MGST1: variants seen among roughly 807,000 people sequenced by gnomAD.
MGST1 encodes the protein microsomal glutathione S-transferase 1.
MGST1 carries 5 observed loss-of-function variants against 8.9 expected under a neutral mutation model. The ratio of observed to expected loss-of-function variants is 0.56; its 90% CI spans 0.29 to 1.19. The LOEUF is 1.19. Among genes scored for constraint, MGST1 ranks in the 50% most tolerant of loss-of-function variants. MGST1 has a pLI of 0.08. For missense variants in MGST1, 182 were observed against 187.4 expected (o/e 0.97, Z 0.17); for synonymous variants, 54 against 67.8 (o/e 0.80, Z 1.00).
At chr12:16,577,327 C>T (rs1448204481) in intron 4 of MGST1, among the ~76,000 whole-genome samples, 1 of 152,152 alleles carries the variant, frequency 6.6e-6, no homozygotes, top group African/African-American at 2.4e-5. Context: ...CTAGGACCAT[C>T]TCTTATCACA....
intron 1 of MGST1, chr12:16,402,357 G>T: frequency 6.2e-7 from 1 of 1,602,840 alleles, no homozygotes; most frequent in South Asian, 1.1e-5. Context: ...TCTCCTTTCT[G>T]CCAATTGCTG....
chr12:16,454,285 G>T (rs1941152162), intron 4 of MGST1, among the ~76,000 whole-genome samples: 1 of 151,892 alleles, frequency 6.6e-6, no homozygotes. Context: ...TGTTAAATAA[G>T]ATTTTAAGGT....
At chr12:16,388,153 AC>A (rs2137049446) in intron 1 of MGST1, among the ~76,000 whole-genome samples, 1 of 151,836 alleles carries the variant, frequency 6.6e-6, no homozygotes, top group East Asian at 2.0e-4. Flanking sequence ...AAAAGTGATG[AC>A]AAAAACTGCA....
rs1941814056 is a variant in MGST1, at chr12:16,544,822, A to T, written n.483-44706A>T. ...GAATTATGAAAGTTCCATTGATGTG[A>T]TAGGGAGGATGACTATTAAATTATC... is the stretch of plus-strand genomic sequence containing the variant. On this transcript the variant is annotated intron_variant and non_coding_transcript_variant, in intron 4 of 4. Transcript: ENST00000538857. The surrounding 1 kb of genome is among the most constrained non-coding windows in gnomAD (Gnocchi z 4.8). Among the ~76,000 whole-genome samples, 1 of 152,060 alleles carries T rather than the reference A, an allele frequency of 6.6e-6. No homozygotes were observed. Among genetic ancestry groups the T allele is most frequent in the Non-Finnish European group, 1.5e-5 (1 of 67,948 alleles).
chr12:16,559,300 T>C lies in MGST1; in HGVS notation n.483-30228T>C, dbSNP rs889118488. Among the ~76,000 whole-genome samples the C allele has an allele frequency of 6.6e-6, 1 of 152,204 alleles. No homozygotes were observed. The highest frequency in any genetic ancestry group is 2.4e-5 in the African/African-American group (1 of 41,452). ...TATCATATAAAACAGGTGCCAGTAG[T>C]ATATAGTTTTCACAGAAATAAAAAA... On this transcript the variant is annotated intron_variant and non_coding_transcript_variant, in intron 4 of 4. Transcript: ENST00000538857. This position sits in a 1 kb window ranked among gnomAD's most constrained non-coding sequence, Gnocchi z 4.1.
At chr12:16,376,524 G>A (rs1485760260) in exon 4 of MGST1, 3 of 157,344 alleles carry the variant, frequency 1.9e-5, no homozygotes, top group East Asian at 3.6e-4. Flanking sequence ...CATTTCTTCC[G>A]CAAAAGCTTC....
chr12:16,425,524 A>G (rs1263546840), intron 1 of MGST1, among the ~76,000 whole-genome samples: 1 of 152,140 alleles, frequency 6.6e-6, no homozygotes, highest in Non-Finnish European at 1.5e-5. Flanking sequence ...ACTCAAAGTG[A>G]TCTGCCTTCC....
At chr12:16,465,013 T>C (rs1391118762) in intron 4 of MGST1, among the ~76,000 whole-genome samples, 1 of 152,184 alleles carries the variant, frequency 6.6e-6, no homozygotes, top group Non-Finnish European at 1.5e-5. Flanking sequence ...CTAGAAATAC[T>C]GTACTCCTGT....
At chr12:16,511,834 A>T (rs1276838590) in intron 4 of MGST1, among the ~76,000 whole-genome samples, 1 of 152,126 alleles carries the variant, frequency 6.6e-6, no homozygotes, top group Non-Finnish European at 1.5e-5. Flanking sequence ...ACATTTGGAG[A>T]CAGTTCGGTG....
At chr12:16,403,748 G>A (rs1453431764) in intron 1 of MGST1, among the ~76,000 whole-genome samples, 4 of 152,080 alleles carry the variant, frequency 2.6e-5, no homozygotes, top group African/African-American at 9.7e-5. Flanking sequence ...GAAGGTGAAG[G>A]GGAAGCAAGG....
intron 4 of MGST1, among the ~76,000 whole-genome samples, chr12:16,581,784 G>A (rs943302088): frequency 6.6e-5 from 10 of 151,712 alleles, no homozygotes; most frequent in African/African-American, 1.9e-4. Flanking sequence ...GAACTCTAAA[G>A]CATATATATT....
At position 16,408,030 on chromosome 12, in the gene MGST1, C is replaced by CAAAAAAAAAAAAA. The variant is rs200073692; in HGVS notation, n.778+24442_778+24454dup. 1.5e-3 allele frequency among the ~76,000 whole-genome samples: 66 copies of CAAAAAAAAAAAAA among 44,086 alleles called. 4 individuals carry two copies. The highest frequency in any genetic ancestry group is 6.2e-3 in the East Asian group (13 of 2,086). The allele number at this position is 44,086 out of a possible 152,430, so 28.9% of individuals were successfully genotyped here. ...CTGGCAACAGAGCAAGACTCTGTCT[C>CAAAAAAAAAAAAA]AAAAAAAAAAAAAAAAAAAAAAAAA... is the stretch of plus-strand genomic sequence containing the variant. On this transcript the variant is annotated intron_variant and non_coding_transcript_variant, in intron 1 of 1. Transcript: ENST00000359720.
chr12:16,433,174 A>T (rs909526944), intron 1 of MGST1, among the ~76,000 whole-genome samples: 8 of 152,068 alleles, frequency 5.3e-5, no homozygotes, highest in African/African-American at 1.2e-4. Context: ...TGGGAGAAAG[A>T]TGCAGGCTGG....
At chr12:16,580,611 T>C (rs1368121151) in intron 4 of MGST1, among the ~76,000 whole-genome samples, 1 of 152,174 alleles carries the variant, frequency 6.6e-6, no homozygotes, top group Non-Finnish European at 1.5e-5. Flanking sequence ...TGGAAAAATG[T>C]AGATCATAGT....
At chr12:16,533,585 G>A (rs1193071710) in intron 4 of MGST1, among the ~76,000 whole-genome samples, 1 of 152,066 alleles carries the variant, frequency 6.6e-6, no homozygotes, top group Non-Finnish European at 1.5e-5. Context: ...GAGATTCCAG[G>A]ATTGTGTTAA....
intron 4 of MGST1, among the ~76,000 whole-genome samples, chr12:16,455,443 A>C (rs539880734): frequency 6.6e-6 from 1 of 151,802 alleles, no homozygotes; most frequent in East Asian, 1.9e-4. Context: ...AATTTAGTTC[A>C]CTTTTTTTTT....
At chr12:16,558,510 C>A (rs1447976843) in intron 4 of MGST1, among the ~76,000 whole-genome samples, 1 of 152,056 alleles carries the variant, frequency 6.6e-6, no homozygotes, top group Non-Finnish European at 1.5e-5. Flanking sequence ...ATAAAGGTGT[C>A]TGTATGGATG....
At chr12:16,581,187 G>C (rs1031767043) in intron 4 of MGST1, among the ~76,000 whole-genome samples, 1 of 152,110 alleles carries the variant, frequency 6.6e-6, no homozygotes, top group African/African-American at 2.4e-5. Context: ...TGGGGACCTC[G>C]GAGTAAGTCC....
At chr12:16,394,887 G>A (rs1203305237) in intron 1 of MGST1, among the ~76,000 whole-genome samples, 1 of 152,002 alleles carries the variant, frequency 6.6e-6, no homozygotes, top group Non-Finnish European at 1.5e-5. Flanking sequence ...GTGAACAACT[G>A]CACCTGGCCT....
Sources: allele counts gnomAD v4.1 joint callset (sites outside exome capture counted in the v4.1 genomes callset), GRCh38; gene constraint gnomAD v4.1.1; non-coding constraint Gnocchi (gnomAD v3.1); transcripts MANE v1.5; gene names NCBI Gene and HGNC (gene_info 2026-07-23, HGNC 2026-07-21).